RPS6KA2: variants seen among roughly 807,000 people sequenced by gnomAD.
RPS6KA2 encodes ribosomal protein S6 kinase A2.
RPS6KA2 carries 42 observed loss-of-function variants against 91.8 expected under a neutral mutation model. The observed-to-expected ratio is 0.46, with a 90% CI of 0.36 to 0.59. The LOEUF (loss-of-function observed/expected upper bound fraction) is 0.59. Ranked by LOEUF, RPS6KA2 falls within the 20% of genes least tolerant of loss-of-function variation. RPS6KA2 has a pLI of 0.00. For missense variants in RPS6KA2, 798 were observed against 978.5 expected (o/e 0.82, Z 2.46); for synonymous variants, 414 against 393.6 (o/e 1.05, Z -0.61).
intron 17 of RPS6KA2, among the ~76,000 whole-genome samples, chr6:166,422,872 C>A (rs1180058470): frequency 6.6e-6 from 1 of 152,210 alleles, no homozygotes; most frequent in East Asian, 1.9e-4. Flanking sequence ...GCTCCCTGCG[C>A]TATGACGGAT....
chr6:166,647,919 C>T (rs1787684488), intron 2 of RPS6KA2, among the ~76,000 whole-genome samples: 1 of 149,902 alleles, frequency 6.7e-6, no homozygotes, highest in African/African-American at 2.5e-5. Flanking sequence ...CATGCACATG[C>T]TCACACACAC....
chr6:166,562,059 G>C (rs560832012), intron 1 of RPS6KA2, among the ~76,000 whole-genome samples: 94 of 151,988 alleles, frequency 6.2e-4, no homozygotes, highest in African/African-American at 2.1e-3. Flanking sequence ...GGGGAGGGAG[G>C]AACACAGTCA....
At chr6:166,750,835 A>T (rs1458619856) in intron 2 of RPS6KA2, among the ~76,000 whole-genome samples, 1 of 152,234 alleles carries the variant, frequency 6.6e-6, no homozygotes, top group African/African-American at 2.4e-5. Flanking sequence ...AAATTCTGTA[A>T]ATCCAAGCTC....
rs185172738 is a variant in RPS6KA2, at chr6:166,455,227, A to C, written c.1076-3994T>G. ...GTGTGTGGGGGTGGGAGGCAGCTGC[A>C]GAGAACACGTGTTTTGTTTCTTAGC... is the stretch of plus-strand genomic sequence containing the variant. On this transcript the variant is annotated intron_variant, in intron 12 of 20. Coordinates refer to ENST00000265678, the MANE Select transcript of RPS6KA2 (RefSeq NM_021135.6). Among the ~76,000 whole-genome samples, 803 of 152,250 alleles carry C rather than the reference A, an allele frequency of 5.3e-3. 8 individuals are homozygous for C. Among genetic ancestry groups the C allele is most frequent in the African/African-American group, 0.018 (739 of 41,546 alleles).
rs537740481 is a variant in RPS6KA2 at position 166,508,077 on chromosome 6, A to C, written c.459+126T>G. ...CTTGCACACACTCACACATGCACAC[A>C]CCCCCACACACACACACGCACTCTC... On this transcript the variant is annotated intron_variant, in intron 5 of 20. Coordinates refer to ENST00000265678, the MANE Select transcript of RPS6KA2 (RefSeq NM_021135.6). This position sits in a 1 kb window ranked among gnomAD's most constrained non-coding sequence, Gnocchi z 4.3. The C allele has an allele frequency of 7.4e-4, 457 of 615,062 alleles. 4 individuals carry two copies. Among genetic ancestry groups the C allele is most frequent in the African/African-American group, 7.1e-3 (363 of 51,458 alleles). The allele number at this position is 615,062 out of a possible 1,614,324, so 38.1% of individuals were successfully genotyped here.
chr6:166,610,514 A>C (rs1786133051), intron 1 of RPS6KA2, among the ~76,000 whole-genome samples: 1 of 152,244 alleles, frequency 6.6e-6, no homozygotes, highest in Admixed American at 6.5e-5. Flanking sequence ...AAACACTTAA[A>C]TATGCATTTA....
At chr6:166,428,963 G>A (rs1353625386) in intron 16 of RPS6KA2, among the ~76,000 whole-genome samples, 1 of 151,584 alleles carries the variant, frequency 6.6e-6, no homozygotes, top group African/African-American at 2.4e-5. Flanking sequence ...TATAAATCAT[G>A]CTGCTATAAA....
intron 19 of RPS6KA2, among the ~76,000 whole-genome samples, chr6:166,417,619 A>C (rs9366011): frequency 8.5e-5 from 8 of 94,384 alleles, no homozygotes; most frequent in African/African-American, 2.5e-4. Context: ...CTCTCTCTCT[A>C]TACACACACA....
chr6:166,545,290 C>T (rs1783790599), intron 1 of RPS6KA2, among the ~76,000 whole-genome samples: 1 of 152,180 alleles, frequency 6.6e-6, no homozygotes. Context: ...CTCATCCATC[C>T]TAGAATATCA....
At chr6:166,813,954 A>G (rs539025822) in intron 2 of RPS6KA2, among the ~76,000 whole-genome samples, 2 of 152,344 alleles carry the variant, frequency 1.3e-5, no homozygotes, top group South Asian at 2.1e-4. Context: ...ATGTTTAATG[A>G]TGGCCGGTGT....
At chr6:166,793,501 T>A (rs1779148158) in intron 2 of RPS6KA2, among the ~76,000 whole-genome samples, 2 of 149,198 alleles carry the variant, frequency 1.3e-5, no homozygotes, top group Non-Finnish European at 3.0e-5. Context: ...TGGAAAAAAC[T>A]ACTTTAAAGT....
At chr6:166,725,463 A>T (rs1381147532) in intron 2 of RPS6KA2, among the ~76,000 whole-genome samples, 1 of 152,210 alleles carries the variant, frequency 6.6e-6, no homozygotes, top group African/African-American at 2.4e-5. Flanking sequence ...CCTCCCCTTC[A>T]GCCTCCTAGC....
intron 10 of RPS6KA2, among the ~76,000 whole-genome samples, chr6:166,479,971 C>A (rs139392381): frequency 6.6e-6 from 1 of 152,266 alleles, no homozygotes; most frequent in Non-Finnish European, 1.5e-5. Flanking sequence ...CACATAGTAT[C>A]CCCTGTGTAG....
At chr6:166,695,864 T>C (rs189459446) in intron 2 of RPS6KA2, among the ~76,000 whole-genome samples, 325 of 150,100 alleles carry the variant, frequency 2.2e-3, no homozygotes, top group Non-Finnish European at 2.1e-3. Flanking sequence ...TGGATTCTCA[T>C]AGGAGCACTA....
At chr6:166,473,101 C>G (rs1780832136) in intron 10 of RPS6KA2, among the ~76,000 whole-genome samples, 1 of 152,166 alleles carries the variant, frequency 6.6e-6, no homozygotes, top group Non-Finnish European at 1.5e-5. Context: ...GGGTCTGTGT[C>G]TCCAATTGCT....
chr6:166,727,770 A>C (rs1158029017), intron 2 of RPS6KA2, among the ~76,000 whole-genome samples: 1 of 152,210 alleles, frequency 6.6e-6, no homozygotes, highest in Non-Finnish European at 1.5e-5. Flanking sequence ...GGCCTGGTGC[A>C]GTGCTGCTAG....
chr6:166,478,103 G>A lies in RPS6KA2; in HGVS notation c.908-8198C>T, dbSNP rs75220260. 7.6e-3 allele frequency among the ~76,000 whole-genome samples: 1,159 copies of A among 152,310 alleles called. 11 individuals carry two copies. Among genetic ancestry groups the A allele is most frequent in the African/African-American group, 0.027 (1,106 of 41,548 alleles). ...GGAGGGGTGCACAGCAAACCCTCAC[G>A]CATGTGGCCCCACAGGTGGTGACTG... is the stretch of plus-strand genomic sequence containing the variant. On this transcript the variant is annotated intron_variant, in intron 10 of 20. Transcript: ENST00000265678.
chr6:166,542,261 C>T (rs1490213527), intron 1 of RPS6KA2: 1 of 152,226 alleles, frequency 6.6e-6, no homozygotes, highest in Non-Finnish European at 1.5e-5. Flanking sequence ...CCCTAAGGGG[C>T]AACTAGCATG....
Position 166,563,934 on chromosome 6 carries a change from C to T in RPS6KA2, c.100-25150G>A, listed in dbSNP as rs7770279. On this transcript the variant is annotated intron_variant, in intron 1 of 20. Coordinates refer to ENST00000265678, the MANE Select transcript of RPS6KA2 (RefSeq NM_021135.6). This position sits in a 1 kb window ranked among gnomAD's most constrained non-coding sequence, Gnocchi z 4.1. ...GCTGGACGTGGCAGGAAAGAGGAGA[C>T]GATTACTCCGTGTCTCAGCATGAAG... is the stretch of plus-strand genomic sequence containing the variant. 0.086 allele frequency among the ~76,000 whole-genome samples: 13,059 copies of T among 152,114 alleles called. 1,159 individuals are homozygous for T. The highest frequency in any genetic ancestry group is 0.22 in the African/African-American group (9,009 of 41,446).
Sources: gnomAD v4.1 joint callset for allele counts (sites outside exome capture counted in the v4.1 genomes callset) on GRCh38, gnomAD v4.1.1 for gene constraint, Gnocchi (gnomAD v3.1) non-coding constraint, MANE v1.5 for transcripts, NCBI Gene and HGNC (gene_info 2026-07-23, HGNC 2026-07-21) for gene names.